RIMS4: variants seen among roughly 807,000 people sequenced by gnomAD.
RIMS4 encodes the protein regulating synaptic membrane exocytosis 4.
Under a neutral mutation model 29.0 loss-of-function variants are expected in RIMS4, and 9 were observed. The ratio of observed to expected loss-of-function variants is 0.31; its 90% CI spans 0.19 to 0.54. The LOEUF is 0.54. Ranked by LOEUF, RIMS4 falls within the 20% of genes least tolerant of loss-of-function variation. The pLI is 0.94. For synonymous variants in RIMS4, 130 were observed against 152.9 expected, an observed-to-expected ratio of 0.85 and a Z score of 1.10; for missense variants, 193 against 365.7, an observed-to-expected ratio of 0.53 and a Z score of 3.85.
At position 44,756,828 on chromosome 20, in the gene RIMS4, C is replaced by T; in HGVS notation, c.591+70G>A. ...AGACACCCCCCGCCAGGGGTGCCCTCCTCTCATTCTGGTACTGTGCATGTG... is the reference window on the plus strand; with the variant it reads ...AGACACCCCCCGCCAGGGGTGCCCTTCTCTCATTCTGGTACTGTGCATGTG... On this transcript the variant is annotated intron_variant, in intron 5 of 5. Coordinates refer to ENST00000372851, the MANE Select transcript of RIMS4 (RefSeq NM_182970.4). This position sits in a 1 kb window ranked among gnomAD's most constrained non-coding sequence, Gnocchi z 5.9. 4.1e-6 allele frequency: 6 copies of T among 1,477,894 alleles called. No individual in the cohort carries two copies. Among genetic ancestry groups the T allele is most frequent in the Non-Finnish European group, 4.5e-6 (5 of 1,103,180 alleles). The allele number at this position is 1,477,894 out of a possible 1,614,324, so 91.5% of individuals were successfully genotyped here.
intron 1 of RIMS4, among the ~76,000 whole-genome samples, chr20:44,790,131 G>A (rs1012957165): frequency 2.6e-5 from 4 of 152,236 alleles, no homozygotes; most frequent in Non-Finnish European, 5.9e-5. Context: ...CTGCACGCCT[G>A]ATTTTTAATT....
chr20:44,762,110 G>A (rs970095192), intron 2 of RIMS4, among the ~76,000 whole-genome samples: 18 of 152,212 alleles, frequency 1.2e-4, no homozygotes, highest in African/African-American at 4.1e-4. Context: ...CTCACAAGGA[G>A]CTTGCAACCT....
intron 1 of RIMS4, among the ~76,000 whole-genome samples, chr20:44,795,488 C>T (rs1335059510): frequency 6.6e-6 from 1 of 152,140 alleles, no homozygotes; most frequent in African/African-American, 2.4e-5. Context: ...AAAAATTAGC[C>T]AGGTGTGATG....
intron 1 of RIMS4, among the ~76,000 whole-genome samples, chr20:44,790,507 C>A (rs1398086399): frequency 6.6e-6 from 1 of 152,166 alleles, no homozygotes; most frequent in Non-Finnish European, 1.5e-5. Context: ...TCCTTGGGGT[C>A]CCACAACAGA....
intron 1 of RIMS4, among the ~76,000 whole-genome samples, chr20:44,797,606 A>G (rs2145476734): frequency 6.6e-6 from 1 of 152,360 alleles, no homozygotes; most frequent in Admixed American, 6.5e-5. Flanking sequence ...TGGCAGTTTC[A>G]GGTGGTTTGC....
chr20:44,766,566 T>C (rs957264723), intron 2 of RIMS4, among the ~76,000 whole-genome samples: 1 of 152,150 alleles, frequency 6.6e-6, no homozygotes, highest in Admixed American at 6.5e-5. Flanking sequence ...GAGCGATGTA[T>C]GGCCTTGACC....
chr20:44,757,472 A>G (rs1160381681), intron 4 of RIMS4, among the ~76,000 whole-genome samples, 198 bp downstream of exon 4: 1 of 152,188 alleles, frequency 6.6e-6, no homozygotes, highest in African/African-American at 2.4e-5. Context: ...CCAGTGGAGG[A>G]GAGGAACAAG....
At chr20:44,759,747 A>C (rs749563294) in intron 2 of RIMS4, among the ~76,000 whole-genome samples, 3 of 152,244 alleles carry the variant, frequency 2.0e-5, no homozygotes, top group Non-Finnish European at 2.9e-5. Context: ...AGTCACAAGA[A>C]CTGAGCCATA....
At chr20:44,805,684 C>A (rs956866888) in intron 1 of RIMS4, among the ~76,000 whole-genome samples, 5 of 152,134 alleles carry the variant, frequency 3.3e-5, no homozygotes, top group African/African-American at 1.2e-4. Flanking sequence ...GACAGCAGGA[C>A]ATTTTGTTTC....
chr20:44,760,439 G>A (rs2066079366), intron 2 of RIMS4, among the ~76,000 whole-genome samples: 2 of 152,182 alleles, frequency 1.3e-5, no homozygotes, highest in African/African-American at 2.4e-5. Context: ...AGGTGCACTG[G>A]AGAGAAGGGC....
chr20:44,797,876 T>C (rs1288192262), intron 1 of RIMS4, among the ~76,000 whole-genome samples: 2 of 152,214 alleles, frequency 1.3e-5, no homozygotes, highest in African/African-American at 4.8e-5. Context: ...CTCCTGCTTA[T>C]AGCTGTGAAC....
Position 44,804,840 on chromosome 20 carries a change from G to A in RIMS4, c.97+5335C>T, listed in dbSNP as rs114008622. On this transcript the variant is annotated intron_variant, in intron 1 of 5. Transcript: ENST00000372851. Reference sequence around the variant, plus strand: ...GGAAGCTGGAGCCAGGAGTCTAGGGGATTGGGGATGGGGAAGGGGGTGCCT... The same window carrying A: ...GGAAGCTGGAGCCAGGAGTCTAGGGAATTGGGGATGGGGAAGGGGGTGCCT... 6.1e-3 allele frequency among the ~76,000 whole-genome samples: 929 copies of A among 152,298 alleles called. 8 individuals are homozygous for A. The highest frequency in any genetic ancestry group is 0.021 in the African/African-American group (853 of 41,572).
At chr20:44,757,861 C>A in intron 3 of RIMS4, 90 bp from the exon 4 acceptor site, 1 of 1,201,236 alleles carries the variant, frequency 8.3e-7, no homozygotes, top group Non-Finnish European at 1.2e-6. Context: ...GGCTGAAACC[C>A]CCTTCCCCTG....
chr20:44,798,013 G>A (rs1045516245), intron 1 of RIMS4, among the ~76,000 whole-genome samples: 20 of 152,184 alleles, frequency 1.3e-4, no homozygotes, highest in Non-Finnish European at 2.5e-4. Flanking sequence ...CTCATCCCAC[G>A]ACAAATCAAC....
At chr20:44,770,534 C>T (rs2066132355) in intron 2 of RIMS4, among the ~76,000 whole-genome samples, 1 of 152,070 alleles carries the variant, frequency 6.6e-6, no homozygotes, top group Non-Finnish European at 1.5e-5. Context: ...AATGAGAAAC[C>T]CCTAGTCTAG....
At chr20:44,783,123 G>C (rs914013992) in intron 1 of RIMS4, among the ~76,000 whole-genome samples, 41 of 152,212 alleles carry the variant, frequency 2.7e-4, no homozygotes, top group African/African-American at 9.4e-4. Context: ...AACTGAAGCA[G>C]TTTGCCCAAG....
At position 44,758,115 on chromosome 20, in the gene RIMS4, C is replaced by T. The variant is rs150513890; in HGVS notation, c.306G>A (p.Pro102=). ...GGGTCTGGCGGCCCACAAACTGTGC[C>T]GGCCCCATGCTTCCCAGGAAGTCAC... ...QFSDFLGSMG[P]AQFVGRQTLA... The change falls in exon 3 of 6, where the codon CCG becomes CCA. Residue 102 remains proline (P), a synonymous_variant. Transcript: ENST00000372851. 66 of 1,613,530 alleles carry T rather than the reference C, an allele frequency of 4.1e-5. No individual in the cohort carries two copies. Among genetic ancestry groups the T allele is most frequent in the East Asian group, 1.1e-4 (5 of 44,886 alleles).
intron 2 of RIMS4, among the ~76,000 whole-genome samples, chr20:44,764,532 G>T (rs1289906563): frequency 6.6e-6 from 1 of 152,124 alleles, no homozygotes; most frequent in African/African-American, 2.4e-5. Flanking sequence ...GTGGAAGTGG[G>T]TGTCGGAAGA....
At chr20:44,791,566 C>T (rs896397129) in intron 1 of RIMS4, among the ~76,000 whole-genome samples, 2 of 152,170 alleles carry the variant, frequency 1.3e-5, no homozygotes, top group African/African-American at 2.4e-5. Context: ...ATTTGTAACT[C>T]GTGAAAGCAT....
Sources: gnomAD v4.1 joint callset for allele counts (sites outside exome capture counted in the v4.1 genomes callset) on GRCh38, gnomAD v4.1.1 for gene constraint, Gnocchi (gnomAD v3.1) non-coding constraint, MANE v1.5 for transcripts, NCBI Gene and HGNC (gene_info 2026-07-23, HGNC 2026-07-21) for gene names.